Variants in NFIB observed in about 807,000 individuals in gnomAD.
The protein encoded by NFIB is nuclear factor 1 B-type.
A neutral mutation model predicts 61.5 loss-of-function variants in NFIB; 11 were observed. That is an observed-to-expected ratio of 0.18 (90% CI 0.11 to 0.30). NFIB has a LOEUF of 0.30. Ranked by LOEUF, NFIB falls within the 10% of genes least tolerant of loss-of-function variation. The pLI, the probability that NFIB is intolerant of heterozygous loss-of-function variation, is 1.00. For synonymous variants in NFIB, 260 were observed against 216.5 expected, an observed-to-expected ratio of 1.20 and a Z score of -1.76; for missense variants, 471 against 608.9, an observed-to-expected ratio of 0.77 and a Z score of 2.38.
the NFIB span, among the ~76,000 whole-genome samples, chr9:14,494,017 C>T: frequency 6.6e-6 from 1 of 152,172 alleles, no homozygotes; most frequent in African/African-American, 2.4e-5. Context: ...CGTATCTCTT[C>T]TTCAAAAAGG....
rs577067024 is a variant in NFIB, at chr9:14,340,006, A to C, written c.109-32486T>G. Among the ~76,000 whole-genome samples, 6 of 152,330 alleles carry C rather than the reference A, an allele frequency of 3.9e-5. No homozygotes were observed. The South Asian group carries it at 1.2e-3, about 32-fold the overall frequency. On this transcript the variant is annotated intron_variant, in intron 1 of 8. Transcript: ENST00000380934. Reference sequence around the variant, plus strand: ...CTGGAGTATATAGAGTTTTCAGTCCAGCCACTTCTTCTTACAGATGACCAG... The same window carrying C: ...CTGGAGTATATAGAGTTTTCAGTCCCGCCACTTCTTCTTACAGATGACCAG...
In NFIB at chr9:14,088,456, A is replaced by C. The variant is rs369361736; in HGVS notation, c.1468-130T>G. The C allele has an allele frequency of 6.1e-6, 6 of 982,612 alleles. No homozygotes were observed. The East Asian group carries it at 1.9e-4, about 31-fold the overall frequency. The allele number at this position is 982,612 out of a possible 1,614,324, so 60.9% of individuals were successfully genotyped here. A position where few individuals can be genotyped will look rare whatever the true frequency, so the allele number is the denominator to read the frequency against. On this transcript the variant is annotated intron_variant, in intron 10 of 10. Coordinates refer to ENST00000380953, the MANE Select transcript of NFIB (RefSeq NM_001190737.2). The stretch of plus-strand genomic sequence containing the variant: ...TTGCTATCCCTATTTTCAAAATTAC[A>C]GTCTAATATGAGATAAATGTGCCAA...
the NFIB span, among the ~76,000 whole-genome samples, chr9:14,504,446 C>A: frequency 3.3e-5 from 5 of 152,300 alleles, no homozygotes; most frequent in South Asian, 1.0e-3. Flanking sequence ...AATATTGATT[C>A]TACCCATTCA....
At chr9:14,277,723 T>C (rs376151552) in intron 2 of NFIB, among the ~76,000 whole-genome samples, 16 of 152,324 alleles carry the variant, frequency 1.1e-4, no homozygotes, top group African/African-American at 3.4e-4. Context: ...GGGGTTCAAA[T>C]GTCAAGTACA....
At chr9:14,322,856 G>T (rs1017421356) in intron 1 of NFIB, among the ~76,000 whole-genome samples, 3 of 152,056 alleles carry the variant, frequency 2.0e-5, no homozygotes, top group African/African-American at 7.2e-5. Context: ...CGGCGAGGGC[G>T]TGACCGTCTC....
chr9:14,385,499 A>T (rs1408773870), intron 1 of NFIB, among the ~76,000 whole-genome samples: 1 of 152,210 alleles, frequency 6.6e-6, no homozygotes, highest in Non-Finnish European at 1.5e-5. Context: ...TTTCTTATAC[A>T]TCTAAACATA....
chr9:14,420,445 CAAAAAA>C, the NFIB span, among the ~76,000 whole-genome samples: 149 of 42,420 alleles, frequency 3.5e-3, 1 homozygote, highest in South Asian at 0.029. Flanking sequence ...GACTCCGTCT[CAAAAAA>C]AAAAAAAAAA....
chr9:14,422,164 G>C, the NFIB span, among the ~76,000 whole-genome samples: 8 of 152,202 alleles, frequency 5.3e-5, no homozygotes, highest in Non-Finnish European at 1.2e-4. Flanking sequence ...TGACAAAGGA[G>C]ACTCCGACCC....
intron 6 of NFIB, among the ~76,000 whole-genome samples, chr9:14,143,828 A>G (rs2042002633): frequency 6.6e-6 from 1 of 152,162 alleles, no homozygotes; most frequent in Non-Finnish European, 1.5e-5. Context: ...GCAAATTTTT[A>G]AAAAGCAATT....
intron 1 of NFIB, among the ~76,000 whole-genome samples, chr9:14,367,420 C>A (rs2061313222): frequency 6.6e-6 from 1 of 151,452 alleles, no homozygotes; most frequent in Non-Finnish European, 1.5e-5. Flanking sequence ...AGCAGAGGGA[C>A]TAGTAAGTGC....
chr9:14,440,342 T>C, the NFIB span, among the ~76,000 whole-genome samples: 3 of 152,206 alleles, frequency 2.0e-5, no homozygotes, highest in Non-Finnish European at 4.4e-5. Context: ...GGTCTAATTT[T>C]AGAGCTGCAG....
chr9:14,234,371 CTCTT>C (rs1261098489), intron 2 of NFIB, among the ~76,000 whole-genome samples: 1 of 114,164 alleles, frequency 8.8e-6, no homozygotes, highest in Non-Finnish European at 1.6e-5. Flanking sequence ...ATTATCATTA[CTCTT>C]TTTTTTTTTT....
chr9:14,094,239 C>A (rs1344070155), intron 10 of NFIB: 1 of 152,080 alleles, frequency 6.6e-6, no homozygotes, highest in African/African-American at 2.4e-5. Context: ...TATATTATCA[C>A]TGAATTATGC....
At chr9:14,322,669 G>A (rs1051313713) in intron 1 of NFIB, among the ~76,000 whole-genome samples, 1 of 152,126 alleles carries the variant, frequency 6.6e-6, no homozygotes, top group Non-Finnish European at 1.5e-5. Flanking sequence ...CCGAAAGGAG[G>A]AGCCGGGGGC....
intron 1 of NFIB, among the ~76,000 whole-genome samples, chr9:14,352,412 C>T (rs746083699): frequency 7.9e-5 from 12 of 151,620 alleles, no homozygotes; most frequent in Non-Finnish European, 1.5e-4. Context: ...CTAAGATGAA[C>T]GTGGAAATAA....
intron 10 of NFIB, among the ~76,000 whole-genome samples, chr9:14,106,649 A>C (rs2036602339): frequency 1.3e-5 from 2 of 152,242 alleles, no homozygotes; most frequent in Non-Finnish European, 2.9e-5. Context: ...TAAGATTTGG[A>C]TCATTATCCT....
At chr9:14,372,839 A>T (rs955841847) in intron 1 of NFIB, among the ~76,000 whole-genome samples, 1 of 152,232 alleles carries the variant, frequency 6.6e-6, no homozygotes, top group Non-Finnish European at 1.5e-5. Context: ...CTCTAACTCA[A>T]GTGTTGAATC....
chr9:14,345,793 T>C (rs1323121126), intron 1 of NFIB, among the ~76,000 whole-genome samples: 7 of 152,132 alleles, frequency 4.6e-5, no homozygotes, highest in Non-Finnish European at 4.4e-5. Flanking sequence ...CATAACTTTA[T>C]CCTCCCCCTC....
chr9:14,114,419 T>C (rs920853650), intron 9 of NFIB, among the ~76,000 whole-genome samples: 2 of 152,226 alleles, frequency 1.3e-5, no homozygotes, highest in East Asian at 3.9e-4. Context: ...TTCTGTGTTT[T>C]CTTTGACCAT....
Sources: allele counts gnomAD v4.1 joint callset (sites outside exome capture counted in the v4.1 genomes callset), GRCh38; gene constraint gnomAD v4.1.1; transcripts MANE v1.5; gene names NCBI Gene and HGNC (gene_info 2026-07-23, HGNC 2026-07-21).